GLI2: variants seen among roughly 807,000 people sequenced by gnomAD.
GLI2 encodes transcription activator GLI2.
A neutral mutation model predicts 78.9 loss-of-function variants in GLI2; 22 were observed. The ratio of observed to expected loss-of-function variants is 0.28; its 90% CI spans 0.20 to 0.40. The LOEUF is 0.40. Among genes scored for constraint, GLI2 ranks in the 10% least tolerant of loss-of-function variants. The pLI is 1.00. For missense variants in GLI2, 2,097 were observed against 2,213.2 expected, an observed-to-expected ratio of 0.95 and a Z score of 1.05; for synonymous variants, 974 against 963.7, an observed-to-expected ratio of 1.01 and a Z score of -0.20.
In GLI2 at chr2:120,986,555, C is replaced by T. The variant is rs780517633; in HGVS notation, c.2183C>T (p.Ser728Leu). Residue 728 changes from serine (S) to leucine (L), a missense_variant, in exon 13 of 14, where the codon TCA (serine) becomes TTA (leucine). Coordinates refer to ENST00000361492, the MANE Select transcript of GLI2 (RefSeq NM_001374353.1). ...CTCAAGTCACTCAAGGATTCCTGCT[C>T]ATGGGCCGGGCCGACTCCACACACG... Reference protein sequence around the residue: ...EKLKSLKDSCSWAGPTPHTRN... With the variant: ...EKLKSLKDSCLWAGPTPHTRN... 8.7e-6 allele frequency: 14 copies of T among 1,614,030 alleles called. No individual in the cohort carries two copies. The African/African-American group carries it at 1.7e-4, about 20-fold the overall frequency.
At chr2:120,917,549 CCTGGAGGGAAGTAGTA>C (rs1679162897) in intron 2 of GLI2, among the ~76,000 whole-genome samples, 1 of 152,242 alleles carries the variant, frequency 6.6e-6, no homozygotes. Context: ...CGCCCCCTTT[CCTGGAGGGAAGTAGTA>C]CTGGGTTTGG....
chr2:120,756,996 C>T (rs1393791545), intron 1 of GLI2, among the ~76,000 whole-genome samples: 1 of 152,104 alleles, frequency 6.6e-6, no homozygotes, highest in Non-Finnish European at 1.5e-5. Flanking sequence ...TTCAAGTTTA[C>T]AGATCTTTTT....
chr2:120,927,173 A>G (rs866251698), intron 2 of GLI2, among the ~76,000 whole-genome samples, 188 bp from the exon 3 acceptor site: 15 of 152,204 alleles, frequency 9.9e-5, no homozygotes, highest in African/African-American at 3.6e-4. Flanking sequence ...AAAGATGTAG[A>G]ATTCTCGGGC....
At chr2:120,811,159 G>T (rs2104726382) in intron 2 of GLI2, among the ~76,000 whole-genome samples, 1 of 152,328 alleles carries the variant, frequency 6.6e-6, no homozygotes, top group Admixed American at 6.5e-5. Context: ...TGTGCTGCTG[G>T]TCAAGCCAAA....
At chr2:120,878,047 C>T (rs1688848006) in intron 2 of GLI2, among the ~76,000 whole-genome samples, 1 of 152,198 alleles carries the variant, frequency 6.6e-6, no homozygotes, top group African/African-American at 2.4e-5. Context: ...CTAGGAAAAA[C>T]TGTTGAGATC....
chr2:120,779,784 C>A (rs1050731028), intron 1 of GLI2, among the ~76,000 whole-genome samples: 2 of 152,232 alleles, frequency 1.3e-5, no homozygotes, highest in East Asian at 3.8e-4. Context: ...CTGACCCCCT[C>A]AGCCTTGCTC....
At chr2:120,781,960 A>G (rs1216721054) in intron 1 of GLI2, among the ~76,000 whole-genome samples, 5 of 151,460 alleles carry the variant, frequency 3.3e-5, no homozygotes, top group Non-Finnish European at 7.4e-5. Flanking sequence ...TTTTTCTTAT[A>G]TACTGTCTCC....
intron 1 of GLI2, among the ~76,000 whole-genome samples, chr2:120,770,634 C>G (rs1683495195): frequency 6.6e-6 from 1 of 152,174 alleles, no homozygotes; most frequent in African/African-American, 2.4e-5. Context: ...TTCTGGCTTG[C>G]CTCTCTCGTG....
intron 2 of GLI2, among the ~76,000 whole-genome samples, chr2:120,881,357 A>G (rs1677108216): frequency 7.2e-6 from 1 of 138,026 alleles, no homozygotes; most frequent in African/African-American, 2.7e-5. Context: ...ATGGGTGGAG[A>G]AGGACAGTGG....
chr2:120,743,287 C>T (rs370365114), intron 1 of GLI2, among the ~76,000 whole-genome samples: 38 of 152,274 alleles, frequency 2.5e-4, no homozygotes, highest in Middle Eastern at 3.4e-3. Flanking sequence ...GCCGCCTCCC[C>T]GCTCCCCTTC....
chr2:120,870,494 C>G (rs1366279289), intron 2 of GLI2, among the ~76,000 whole-genome samples: 1 of 152,136 alleles, frequency 6.6e-6, no homozygotes, highest in East Asian at 1.9e-4. Context: ...AGGGCAGCGA[C>G]TTGGTTCAGG....
intron 2 of GLI2, among the ~76,000 whole-genome samples, chr2:120,900,757 T>C (rs1361040288): frequency 6.6e-6 from 1 of 151,908 alleles, no homozygotes; most frequent in Non-Finnish European, 1.5e-5. Context: ...AAATCGGAGG[T>C]CAGTGATGTT....
intron 1 of GLI2, among the ~76,000 whole-genome samples, chr2:120,789,213 G>A (rs183646193): frequency 1.3e-5 from 2 of 151,756 alleles, no homozygotes; most frequent in African/African-American, 4.8e-5. Context: ...TAGTAGAGAC[G>A]GGGTTTCATC....
chr2:120,855,370 C>T (rs1687597385), intron 2 of GLI2, among the ~76,000 whole-genome samples: 1 of 152,190 alleles, frequency 6.6e-6, no homozygotes, highest in African/African-American at 2.4e-5. Flanking sequence ...GGTCAGGTGG[C>T]TTCACAGATG....
At chr2:120,833,860 T>C (rs989029465) in intron 2 of GLI2, among the ~76,000 whole-genome samples, 1 of 152,194 alleles carries the variant, frequency 6.6e-6, no homozygotes, top group African/African-American at 2.4e-5. Flanking sequence ...TAAAATTCAG[T>C]TGGAAACCAA....
At chr2:120,797,930 T>C (rs2104698375) in intron 2 of GLI2, among the ~76,000 whole-genome samples, 1 of 152,258 alleles carries the variant, frequency 6.6e-6, no homozygotes, top group East Asian at 1.9e-4. Context: ...TTAGGTGAAT[T>C]TTTGGCCAAC....
chr2:120,826,410 C>T (rs1338732736), intron 2 of GLI2, among the ~76,000 whole-genome samples: 1 of 152,170 alleles, frequency 6.6e-6, no homozygotes, highest in Non-Finnish European at 1.5e-5. Context: ...CATGCACAGG[C>T]CCAGAACCCA....
At chr2:120,954,746 C>T (rs913263485) in intron 4 of GLI2, among the ~76,000 whole-genome samples, 8 of 152,152 alleles carry the variant, frequency 5.3e-5, no homozygotes, top group African/African-American at 7.2e-5. Context: ...CGAGGCTCTG[C>T]GCTGCAGGGA....
intron 2 of GLI2, among the ~76,000 whole-genome samples, chr2:120,818,605 A>T (rs949892233): frequency 2.0e-5 from 3 of 152,132 alleles, no homozygotes; most frequent in African/African-American, 7.2e-5. Context: ...CCCACTCCCA[A>T]CACGAATCAC....
Sources: gnomAD v4.1 joint callset for allele counts (sites outside exome capture counted in the v4.1 genomes callset) on GRCh38, gnomAD v4.1.1 for gene constraint, MANE v1.5 for transcripts, NCBI Gene and HGNC (gene_info 2026-07-23, HGNC 2026-07-21) for gene names.